CACNA1B: variants seen among roughly 807,000 people sequenced by gnomAD.
CACNA1B encodes calcium voltage-gated channel subunit alpha1 B.
Under a neutral mutation model 247.2 loss-of-function variants are expected in CACNA1B, and 70 were observed. The ratio of observed to expected loss-of-function variants is 0.28; its 90% CI spans 0.23 to 0.35. The LOEUF is 0.35. CACNA1B is among the 10% of genes least tolerant of loss of function. The probability of loss-of-function intolerance (pLI) is 1.00; values close to 1 mark genes in which losing one functional copy is unlikely to be tolerated. For missense variants in CACNA1B, 2,367 were observed against 3,197.4 expected (o/e 0.74, Z 6.26); for synonymous variants, 1,231 against 1,294.4 (o/e 0.95, Z 1.05).
At chr9:138,061,235 G>A (rs1959712018) in intron 31 of CACNA1B, among the ~76,000 whole-genome samples, 3 of 152,176 alleles carry the variant, frequency 2.0e-5, no homozygotes, top group Non-Finnish European at 4.4e-5. Context: ...CTGGCCTTCT[G>A]GCACGAGCAG....
At position 137,913,101 on chromosome 9, in the gene CACNA1B, C is replaced by T; in HGVS notation, c.531-79C>T. On this transcript the variant is annotated intron_variant, in intron 3 of 46. Coordinates refer to ENST00000371372, the MANE Select transcript of CACNA1B (RefSeq NM_000718.4). The surrounding 1 kb of genome is among the most constrained non-coding windows in gnomAD (Gnocchi z 5.2). ...GTCACTGCTCTTGGGAGACATGACC[C>T]TGGTGGTGGGAGGAGTGTGTCCTCT... is the stretch of plus-strand genomic sequence containing the variant. 1 of 1,106,430 alleles carries T rather than the reference C, an allele frequency of 9.0e-7. No individual in the cohort carries two copies. The highest frequency in any genetic ancestry group is 1.4e-6 in the Non-Finnish European group (1 of 734,966). The allele number at this position is 1,106,430 out of a possible 1,614,324, so 68.5% of individuals were successfully genotyped here.
intron 6 of CACNA1B, among the ~76,000 whole-genome samples, chr9:137,922,428 G>T (rs1003644407): frequency 6.6e-6 from 1 of 152,236 alleles, no homozygotes; most frequent in Non-Finnish European, 1.5e-5. Flanking sequence ...TAAAGCGTTC[G>T]GAGAACATGA....
rs147784613 is a variant in CACNA1B, at chr9:138,073,037, C to T, written c.4675-451C>T. ...TGAGCCAGGGAGGAAAGGGCATAGC[C>T]GTGAAGCCTGGGCGGGGGTCCCTTC... On this transcript the variant is annotated intron_variant, in intron 32 of 46. Transcript: ENST00000371372. This position sits in a 1 kb window ranked among gnomAD's most constrained non-coding sequence, Gnocchi z 6.4. Among the ~76,000 whole-genome samples the T allele has an allele frequency of 2.0e-5, 3 of 152,330 alleles. No homozygotes were observed. Among genetic ancestry groups the T allele is most frequent in the East Asian group, 1.9e-4 (1 of 5,176 alleles).
At chr9:138,056,253 C>T (rs1447506700) in intron 26 of CACNA1B, among the ~76,000 whole-genome samples, 1 of 152,174 alleles carries the variant, frequency 6.6e-6, no homozygotes, top group Non-Finnish European at 1.5e-5. Flanking sequence ...ATCCCTGTCC[C>T]ACCCCTAGCC....
chr9:138,029,913 C>G (rs1306747518), intron 20 of CACNA1B, among the ~76,000 whole-genome samples: 1 of 152,078 alleles, frequency 6.6e-6, no homozygotes, highest in Admixed American at 6.5e-5. Flanking sequence ...CTGTGCCCAG[C>G]CCATTTTCAT....
chr9:138,039,515 G>GT (rs921251326), intron 20 of CACNA1B, among the ~76,000 whole-genome samples: 14 of 151,968 alleles, frequency 9.2e-5, no homozygotes, highest in Admixed American at 3.9e-4. Flanking sequence ...AGATTATTTT[G>GT]TTTTTTTAGG....
rs560640746 is a variant in CACNA1B at position 138,121,957 on chromosome 9, A to C, written c.6978A>C (p.Ala2326=). 8.1e-5 allele frequency: 130 copies of C among 1,603,506 alleles called. No homozygotes were observed. Among genetic ancestry groups the C allele is most frequent in the Non-Finnish European group, 1.1e-4 (130 of 1,179,780 alleles). The part of the protein sequence containing the change: ...CTLGLSSGGR[A]RHSYHHPDQD... ...TGGGACTCAGCTCGGGTGGCCGAGCACGGCACAGCTACCACCACCCTGACC... is the reference window on the plus strand; with the variant it reads ...TGGGACTCAGCTCGGGTGGCCGAGCCCGGCACAGCTACCACCACCCTGACC... The change falls in exon 47 of 47, where the codon GCA becomes GCC. Residue 2326 remains alanine, a synonymous_variant. Coordinates refer to ENST00000371372, the MANE Select transcript of CACNA1B (RefSeq NM_000718.4). The surrounding 1 kb of genome is among the most constrained non-coding windows in gnomAD (Gnocchi z 6.8).
intron 35 of CACNA1B, 76 bp downstream of exon 35, chr9:138,075,986 G>A (rs1960304493): frequency 2.0e-5 from 20 of 987,826 alleles, no homozygotes; most frequent in Non-Finnish European, 3.2e-5. Flanking sequence ...AAGAAGGCTG[G>A]GTGTCAACCG....
chr9:138,072,224 C>T lies in CACNA1B; in HGVS notation c.4675-1264C>T, dbSNP rs533434740. On this transcript the variant is annotated intron_variant, in intron 32 of 46. Transcript: ENST00000371372. The surrounding 1 kb of genome is among the most constrained non-coding windows in gnomAD (Gnocchi z 4.5). ...CTGCTCCCACAGTTGCAGCATCCCG[C>T]CTGAGAGCCAGTACCTCGAGTTGAA... Among the ~76,000 whole-genome samples the T allele has an allele frequency of 6.6e-6, 1 of 152,326 alleles. No individual in the cohort carries two copies. The highest frequency in any genetic ancestry group is 2.1e-4 in the South Asian group (1 of 4,826).
At position 137,926,058 on chromosome 9, in the gene CACNA1B, T is replaced by C. The variant is rs1233844354; in HGVS notation, c.966+8627T>C. 5.1e-5 allele frequency among the ~76,000 whole-genome samples: 7 copies of C among 138,188 alleles called. No individual in the cohort carries two copies. In the East Asian group the frequency reaches 1.5e-3, roughly 30 times the overall value. 90.7% of individuals were successfully genotyped at this position (138,188 alleles called of 152,430 possible). A position where few individuals can be genotyped will look rare whatever the true frequency, so the allele number is the denominator to read the frequency against. ...CGTGAGCCACTGTACCTGGCTTCCT[T>C]TTTTCCTTTCTTTTTTTTTTTTTTT... On this transcript the variant is annotated intron_variant, in intron 6 of 46. Transcript: ENST00000371372.
intron 15 of CACNA1B, among the ~76,000 whole-genome samples, chr9:137,989,320 TG>T (rs1443938967): frequency 6.6e-6 from 1 of 152,040 alleles, no homozygotes; most frequent in Non-Finnish European, 1.5e-5. Context: ...AGAGAGAGTA[TG>T]GGTGAGCCGG....
chr9:137,941,884 A>G (rs961125794), intron 6 of CACNA1B, among the ~76,000 whole-genome samples: 1 of 152,254 alleles, frequency 6.6e-6, no homozygotes, highest in African/African-American at 2.4e-5. Context: ...TCTAGAAGAT[A>G]ACATTGGAAA....
chr9:137,948,878 GGT>G (rs925812197), intron 6 of CACNA1B, among the ~76,000 whole-genome samples: 2 of 147,866 alleles, frequency 1.4e-5, no homozygotes, highest in Non-Finnish European at 3.0e-5. Context: ...TAGTGTGTGT[GGT>G]GTGTGTGTCT....
chr9:138,055,644 T>G (rs1308619491), intron 26 of CACNA1B, among the ~76,000 whole-genome samples: 1 of 152,242 alleles, frequency 6.6e-6, no homozygotes, highest in Non-Finnish European at 1.5e-5. Flanking sequence ...AGATACGTTT[T>G]CTGACGATAG....
In CACNA1B at chr9:137,891,004, G is replaced by T. The variant is rs1441208088; in HGVS notation, c.530+8121G>T. 1 of 152,260 alleles carries T rather than the reference G, an allele frequency of 6.6e-6. No individual in the cohort carries two copies. Among genetic ancestry groups the T allele is most frequent in the Non-Finnish European group, 1.5e-5 (1 of 68,066 alleles). The allele number at this position is 152,260 out of a possible 1,614,324, so 9.4% of individuals were successfully genotyped here. On this transcript the variant is annotated intron_variant, in intron 3 of 46. Transcript: ENST00000371372. The surrounding 1 kb of genome is among the most constrained non-coding windows in gnomAD (Gnocchi z 4.3). Reference sequence around the variant, plus strand: ...CTGATCTTTCCAGCTCTGCCTGTGGGTGGGGGATGGAAGGGAGGGACACAG... The same window carrying T: ...CTGATCTTTCCAGCTCTGCCTGTGGTTGGGGGATGGAAGGGAGGGACACAG...
At chr9:138,112,328 C>A in intron 39 of CACNA1B, 70 bp from the exon 40 acceptor site, 1 of 1,065,844 alleles carries the variant, frequency 9.4e-7, no homozygotes. Context: ...CAGCTCTGCC[C>A]CATTGGCGGC....
chr9:137,907,981 C>A (rs1957316261), intron 3 of CACNA1B, among the ~76,000 whole-genome samples: 1 of 152,238 alleles, frequency 6.6e-6, no homozygotes, highest in African/African-American at 2.4e-5. Context: ...TTGTCAAACA[C>A]CCGGTTTCAT....
At chr9:138,099,285 G>A (rs908114293) in intron 37 of CACNA1B, among the ~76,000 whole-genome samples, 11 of 152,222 alleles carry the variant, frequency 7.2e-5, no homozygotes, top group African/African-American at 2.4e-4. Flanking sequence ...CATGCACAAG[G>A]CGCGCACGTG....
intron 6 of CACNA1B, among the ~76,000 whole-genome samples, chr9:137,920,494 G>A (rs1192417531): frequency 6.6e-6 from 1 of 152,200 alleles, no homozygotes; most frequent in Non-Finnish European, 1.5e-5. Context: ...ACCACACCTG[G>A]CCTGAACACT....
Sources: gnomAD v4.1 joint callset for allele counts (sites outside exome capture counted in the v4.1 genomes callset) on GRCh38, gnomAD v4.1.1 for gene constraint, Gnocchi (gnomAD v3.1) non-coding constraint, MANE v1.5 for transcripts, NCBI Gene and HGNC (gene_info 2026-07-23, HGNC 2026-07-21) for gene names.